Variants in NELL1 observed in about 807,000 individuals in gnomAD.
NELL1 encodes the protein neural EGFL like 1, also known as protein kinase C-binding protein NELL1.
A neutral mutation model predicts 107.4 loss-of-function variants in NELL1; 76 were observed. That is an observed-to-expected ratio of 0.71 (90% CI 0.59 to 0.86). The LOEUF is 0.86. Among genes scored for constraint, NELL1 ranks in the 40% least tolerant of loss-of-function variants. The pLI, the probability that NELL1 is intolerant of heterozygous loss-of-function variation, is 0.00. For synonymous variants in NELL1, 353 were observed against 341.2 expected (o/e 1.03, Z -0.38); for missense variants, 1,024 against 1,005.5 (o/e 1.02, Z -0.25).
intron 17 of NELL1, among the ~76,000 whole-genome samples, chr11:21,564,915 C>T (rs1222844659): frequency 6.6e-6 from 1 of 151,918 alleles, no homozygotes; most frequent in Non-Finnish European, 1.5e-5. Flanking sequence ...CAGCGACACT[C>T]TCAAGAACTC....
chr11:21,192,592 A>T lies in NELL1; in HGVS notation c.1427-36740A>T, dbSNP rs553912079. 1.6e-4 allele frequency among the ~76,000 whole-genome samples: 25 copies of T among 151,920 alleles called. No homozygotes were observed. In the East Asian group the frequency reaches 4.8e-3, roughly 29 times the overall value. ...GCAATATGCACTGTTATATTAACAG[A>T]TATATTGTTTTCATCATCTTATTTT... On this transcript the variant is annotated intron_variant, in intron 13 of 19. Transcript: ENST00000357134.
At chr11:21,527,809 A>T (rs921709595) in intron 15 of NELL1, among the ~76,000 whole-genome samples, 2 of 152,216 alleles carry the variant, frequency 1.3e-5, no homozygotes, top group African/African-American at 4.8e-5. Context: ...AGCATCCAGC[A>T]CAGGAGAAAG....
chr11:20,964,591 G>A (rs2134220241), intron 12 of NELL1, among the ~76,000 whole-genome samples: 1 of 152,272 alleles, frequency 6.6e-6, no homozygotes, highest in Non-Finnish European at 1.5e-5. Context: ...GAAGTAAAAA[G>A]ATGATCCTCA....
Position 21,113,680 on chromosome 11 carries a change from A to G in NELL1, c.1392A>G (p.Pro464=), listed in dbSNP as rs201470542. 1.5e-5 allele frequency: 24 copies of G among 1,612,224 alleles called. 1 individual carries two copies. The East Asian group carries it at 5.4e-4, about 36-fold the overall frequency. ...LPGLYRCDCV[P]GYIRVDDFSC... ...GGTTATATCGCTGTGACTGTGTCCC[A>G]GGATACATTCGTGTGGATGACTTCT... Residue 464 remains proline, a synonymous_variant, in exon 13 of 20, where the codon CCA becomes CCG. Transcript: ENST00000357134.
chr11:21,431,092 G>C (rs915264573), intron 15 of NELL1, among the ~76,000 whole-genome samples: 1 of 152,054 alleles, frequency 6.6e-6, no homozygotes, highest in Non-Finnish European at 1.5e-5. Context: ...AATTTATGAT[G>C]ATATTGATTC....
chr11:21,332,365 T>G (rs944663228), intron 14 of NELL1, among the ~76,000 whole-genome samples: 2 of 151,932 alleles, frequency 1.3e-5, no homozygotes, highest in African/African-American at 4.8e-5. Context: ...GTCTCCTGAT[T>G]GCAGCAAGAG....
intron 15 of NELL1, among the ~76,000 whole-genome samples, chr11:21,455,241 A>G (rs1273238777): frequency 6.0e-5 from 9 of 150,306 alleles, no homozygotes; most frequent in African/African-American, 1.5e-4. Flanking sequence ...TATGGAGAAT[A>G]TCATAGTCAT....
intron 12 of NELL1, among the ~76,000 whole-genome samples, chr11:20,984,737 C>T (rs1851817643): frequency 6.6e-6 from 1 of 152,028 alleles, no homozygotes; most frequent in African/African-American, 2.4e-5. Context: ...TCTGCAGAAT[C>T]ATATGGCACC....
At chr11:21,072,410 T>C (rs1023459239) in intron 12 of NELL1, among the ~76,000 whole-genome samples, 2 of 152,208 alleles carry the variant, frequency 1.3e-5, no homozygotes, top group Admixed American at 1.3e-4. Context: ...GGGTTTTATT[T>C]ACAATTCTCA....
intron 15 of NELL1, among the ~76,000 whole-genome samples, chr11:21,506,303 C>T (rs1855276669): frequency 6.6e-6 from 1 of 152,134 alleles, no homozygotes; most frequent in African/African-American, 2.4e-5. Flanking sequence ...CTGTTCAGCA[C>T]AATAATATCT....
At chr11:20,778,980 C>G (rs1856804324) in intron 2 of NELL1, among the ~76,000 whole-genome samples, 1 of 151,946 alleles carries the variant, frequency 6.6e-6, no homozygotes, top group Non-Finnish European at 1.5e-5. Context: ...TCTGCTGCAT[C>G]AGCTTCTTTG....
chr11:20,759,120 G>C (rs1015381308), intron 2 of NELL1, among the ~76,000 whole-genome samples: 14 of 152,212 alleles, frequency 9.2e-5, no homozygotes, highest in Admixed American at 6.5e-5. Flanking sequence ...GGACCTGCCT[G>C]ACAAACTCTG....
intron 14 of NELL1, among the ~76,000 whole-genome samples, chr11:21,322,433 G>A (rs1850033088): frequency 6.6e-6 from 1 of 151,956 alleles, no homozygotes. Flanking sequence ...TTCAAGATGT[G>A]GTATCTCCTA....
At chr11:20,713,366 G>A (rs1438706831) in intron 2 of NELL1, among the ~76,000 whole-genome samples, 4 of 152,052 alleles carry the variant, frequency 2.6e-5, no homozygotes, top group South Asian at 2.1e-4. Flanking sequence ...GTAGAGGGGC[G>A]GTGGTTCTCA....
intron 12 of NELL1, among the ~76,000 whole-genome samples, chr11:21,069,196 G>A (rs2134375802): frequency 6.6e-6 from 1 of 152,174 alleles, no homozygotes; most frequent in South Asian, 2.1e-4. Flanking sequence ...CTTGGTGATG[G>A]GATGATCTGT....
chr11:21,292,264 C>G (rs1247917082), intron 14 of NELL1, among the ~76,000 whole-genome samples: 1 of 152,134 alleles, frequency 6.6e-6, no homozygotes, highest in Non-Finnish European at 1.5e-5. Context: ...GCAAAAATCA[C>G]AAGCATTACT....
At chr11:21,343,238 T>A (rs190738148) in intron 14 of NELL1, among the ~76,000 whole-genome samples, 1 of 152,154 alleles carries the variant, frequency 6.6e-6, no homozygotes, top group East Asian at 1.9e-4. Flanking sequence ...AAGCCCTGTC[T>A]TCCTCTTAAG....
chr11:20,683,564 C>A lies in NELL1; in HGVS notation c.184+5504C>A, dbSNP rs147751898. Among the ~76,000 whole-genome samples, 508 of 152,074 alleles carry A rather than the reference C, an allele frequency of 3.3e-3. 4 individuals are homozygous for A. The highest frequency in any genetic ancestry group is 0.012 in the African/African-American group (479 of 41,522). On this transcript the variant is annotated intron_variant, in intron 2 of 19. Transcript: ENST00000357134. Reference sequence around the variant, plus strand: ...CTGTGTTCTTTGTTCTTTTGTGTAACTTTATATTTCCACCCGATATTATTT... The same window carrying A: ...CTGTGTTCTTTGTTCTTTTGTGTAAATTTATATTTCCACCCGATATTATTT...
At chr11:21,385,281 T>C (rs528129792) in intron 15 of NELL1, among the ~76,000 whole-genome samples, 32 of 151,884 alleles carry the variant, frequency 2.1e-4, no homozygotes, top group African/African-American at 7.0e-4. Context: ...ACCTAGCACA[T>C]AGGAACTGTG....
Sources: allele counts gnomAD v4.1 joint callset (sites outside exome capture counted in the v4.1 genomes callset), GRCh38; gene constraint gnomAD v4.1.1; transcripts MANE v1.5; gene names NCBI Gene and HGNC (gene_info 2026-07-23, HGNC 2026-07-21).